ZNF469: variants seen among roughly 807,000 people sequenced by gnomAD.
ZNF469 encodes zinc finger protein 469.
In ZNF469, 1 loss-of-function variant was observed where a neutral mutation model predicts 1.0. The ratio of observed to expected loss-of-function variants is 1.00; its 90% CI spans 0.35 to 4.73. The LOEUF is 4.73. Ranked by LOEUF, ZNF469 falls within the 30% of genes most tolerant of loss-of-function variation. ZNF469 has a pLI of 0.16. For missense variants in ZNF469, 6,100 were observed against 5,356.3 expected (o/e 1.14, Z -4.33); for synonymous variants, 2,703 against 2,363.4 (o/e 1.14, Z -4.17).
At chr16:88,108,349 T>C in the ZNF469 span, among the ~76,000 whole-genome samples, 1 of 152,242 alleles carries the variant, frequency 6.6e-6, no homozygotes, top group South Asian at 2.1e-4. Flanking sequence ...GGACAGCGTG[T>C]CTGGGTCTGG....
the ZNF469 span, among the ~76,000 whole-genome samples, chr16:88,334,658 G>T: frequency 6.6e-6 from 1 of 152,184 alleles, no homozygotes; most frequent in African/African-American, 2.4e-5. Context: ...TTCATATAAG[G>T]GTGTCGGCAG....
chr16:88,373,192 G>A, the ZNF469 span, among the ~76,000 whole-genome samples: 11 of 152,228 alleles, frequency 7.2e-5, no homozygotes, highest in Admixed American at 7.2e-4. Flanking sequence ...GGCTCTAAGA[G>A]GAAACAAGAC....
chr16:88,291,131 C>T, the ZNF469 span, among the ~76,000 whole-genome samples: 2 of 152,180 alleles, frequency 1.3e-5, no homozygotes, highest in Non-Finnish European at 2.9e-5. Flanking sequence ...TGCTAACCCA[C>T]ATAGATGGGG....
At chr16:88,170,705 C>T in the ZNF469 span, among the ~76,000 whole-genome samples, 4 of 152,286 alleles carry the variant, frequency 2.6e-5, no homozygotes, top group African/African-American at 9.6e-5. The surrounding 1 kb of genome is among the most constrained non-coding windows in gnomAD (Gnocchi z 4.2). Flanking sequence ...TGGGATGGTT[C>T]CTTTCTTGGC....
At chr16:88,147,580 T>C in the ZNF469 span, among the ~76,000 whole-genome samples, 1 of 151,910 alleles carries the variant, frequency 6.6e-6, no homozygotes, top group Non-Finnish European at 1.5e-5. Flanking sequence ...GAGGGGCCTG[T>C]GAGTTGGAGG....
the ZNF469 span, among the ~76,000 whole-genome samples, chr16:88,265,362 A>AACAGC: frequency 6.6e-6 from 1 of 152,142 alleles, no homozygotes; most frequent in African/African-American, 2.4e-5. Context: ...TCGCAGGCAG[A>AACAGC]ACAGCCCAGC....
chr16:88,122,746 A>G, the ZNF469 span, among the ~76,000 whole-genome samples: 3 of 152,316 alleles, frequency 2.0e-5, no homozygotes, highest in Admixed American at 1.3e-4. Flanking sequence ...GTGTGTACAT[A>G]AATATACTTT....
chr16:88,109,639 T>C, the ZNF469 span, among the ~76,000 whole-genome samples: 15 of 145,394 alleles, frequency 1.0e-4, no homozygotes, highest in African/African-American at 4.0e-4. Context: ...GATCAGGAGG[T>C]GCTGAGCGTC....
the ZNF469 span, among the ~76,000 whole-genome samples, chr16:88,335,529 G>A: frequency 6.6e-6 from 1 of 152,302 alleles, no homozygotes; most frequent in South Asian, 2.1e-4. Flanking sequence ...GGCCCCTCAG[G>A]GCTCCCAAAG....
chr16:88,242,691 A>T, the ZNF469 span, among the ~76,000 whole-genome samples: 2 of 152,280 alleles, frequency 1.3e-5, no homozygotes, highest in Non-Finnish European at 2.9e-5. Context: ...GGTCCTAGGC[A>T]GCAGCGGGTT....
chr16:88,279,759 G>T, the ZNF469 span, among the ~76,000 whole-genome samples: 18 of 146,444 alleles, frequency 1.2e-4, no homozygotes, highest in East Asian at 1.2e-3. Context: ...GGTCAGTACC[G>T]TGTAGATATC....
the ZNF469 span, among the ~76,000 whole-genome samples, chr16:88,282,437 C>G: frequency 6.6e-6 from 1 of 152,266 alleles, no homozygotes; most frequent in Non-Finnish European, 1.5e-5. Flanking sequence ...GTGAAACAAT[C>G]ATGCCCGCAG....
At chr16:88,210,455 T>C in the ZNF469 span, among the ~76,000 whole-genome samples, 3 of 152,220 alleles carry the variant, frequency 2.0e-5, no homozygotes, top group Admixed American at 6.5e-5. Flanking sequence ...AGTGGTTCTG[T>C]TTTTATACCG....
chr16:88,388,930 C>T (rs1375940917), intron 1 of ZNF469, among the ~76,000 whole-genome samples: 2 of 152,268 alleles, frequency 1.3e-5, no homozygotes, highest in Admixed American at 6.5e-5. Context: ...GCTGCCCCAT[C>T]TGTAGAAGCC....
At chr16:88,407,232 C>CAGAGCTCCCAAAGGGGTGAGGTTGGG (rs1555516838) in intron 1 of ZNF469, among the ~76,000 whole-genome samples, 10 of 152,204 alleles carry the variant, frequency 6.6e-5, no homozygotes, top group South Asian at 6.2e-4. Context: ...GGTGGGAGCT[C>CAGAGCTCCCAAAGGGGTGAGGTTGGG]CTGCGTCACT....
chr16:88,117,771 C>A, the ZNF469 span, among the ~76,000 whole-genome samples: 1 of 152,174 alleles, frequency 6.6e-6, no homozygotes, highest in Non-Finnish European at 1.5e-5. Context: ...GAGCCCCGGT[C>A]GTGTGCAAGT....
At chr16:88,129,410 C>T in the ZNF469 span, among the ~76,000 whole-genome samples, 6 of 149,186 alleles carry the variant, frequency 4.0e-5, no homozygotes, top group African/African-American at 1.2e-4. Flanking sequence ...TCATTGTCCT[C>T]TGCTTCCGTA....
chr16:88,369,100 C>T, the ZNF469 span, among the ~76,000 whole-genome samples: 177 of 151,038 alleles, frequency 1.2e-3, no homozygotes, highest in Non-Finnish European at 1.9e-3. Flanking sequence ...AAGCCCTGGG[C>T]GGCAGGTCTC....
At chr16:88,124,863 C>A in the ZNF469 span, among the ~76,000 whole-genome samples, 2 of 152,212 alleles carry the variant, frequency 1.3e-5, no homozygotes, top group Non-Finnish European at 1.5e-5. Context: ...GGATTACAGG[C>A]GTGAGCCACT....
Sources: allele counts gnomAD v4.1 joint callset (sites outside exome capture counted in the v4.1 genomes callset), GRCh38; gene constraint gnomAD v4.1.1; non-coding constraint Gnocchi (gnomAD v3.1); transcripts MANE v1.5; gene names NCBI Gene and HGNC (gene_info 2026-07-23, HGNC 2026-07-21).